Variants in WLS observed in about 807,000 individuals in gnomAD.
WLS encodes Wnt ligand secretion mediator.
A neutral mutation model predicts 62.8 loss-of-function variants in WLS; 23 were observed. The ratio of observed to expected loss-of-function variants is 0.37; its 90% CI spans 0.26 to 0.52. WLS has a LOEUF of 0.52. WLS is among the 20% of genes least tolerant of loss of function. The probability of loss-of-function intolerance (pLI) is 0.92; values close to 1 mark genes in which losing one functional copy is unlikely to be tolerated. For missense variants in WLS, 615 were observed against 697.3 expected (o/e 0.88, Z 1.33); for synonymous variants, 246 against 244.1 (o/e 1.01, Z -0.07).
intron 10 of WLS, 96 bp from the exon 11 acceptor site, chr1:68,138,029 T>A: frequency 6.9e-7 from 1 of 1,456,082 alleles, no homozygotes; most frequent in South Asian, 1.3e-5. Context: ...AAACCAAGTC[T>A]CTTCTACATG....
intron 2 of WLS, among the ~76,000 whole-genome samples, chr1:68,170,805 T>A (rs1396139600): frequency 6.6e-6 from 1 of 151,954 alleles, no homozygotes; most frequent in East Asian, 1.9e-4. Context: ...CTTATCCCCA[T>A]CTCTCTCCCT....
At chr1:68,151,224 C>G (rs1022430658) in intron 5 of WLS, among the ~76,000 whole-genome samples, 2 of 152,094 alleles carry the variant, frequency 1.3e-5, no homozygotes, top group Non-Finnish European at 2.9e-5. Context: ...AGGGCAGAGC[C>G]TGGATGGAGG....
intron 11 of WLS, among the ~76,000 whole-genome samples, chr1:68,109,303 A>G (rs1033320004): frequency 3.3e-5 from 5 of 152,242 alleles, no homozygotes; most frequent in Non-Finnish European, 5.9e-5. Flanking sequence ...AGCTTCCTCA[A>G]TTTGGGTCCT....
intron 2 of WLS, among the ~76,000 whole-genome samples, chr1:68,164,461 G>T (rs1254197621): frequency 6.6e-6 from 1 of 152,060 alleles, no homozygotes; most frequent in Non-Finnish European, 1.5e-5. Context: ...TTTATCCATG[G>T]TGGTCAGGCT....
intron 1 of WLS, among the ~76,000 whole-genome samples, chr1:68,230,586 C>CGTGTGTGT (rs1394504243): frequency 1.5e-5 from 2 of 136,980 alleles, no homozygotes; most frequent in African/African-American, 5.5e-5. Context: ...TGTGTGTGCG[C>CGTGTGTGT]GCGTGTGTGT....
chr1:68,178,998 T>C (rs887426667), intron 2 of WLS, among the ~76,000 whole-genome samples: 2 of 152,204 alleles, frequency 1.3e-5, no homozygotes, highest in African/African-American at 4.8e-5. Context: ...GTGTCTATGA[T>C]ACATTTTTTA....
chr1:68,104,866 G>T (rs114331303), intron 11 of WLS, among the ~76,000 whole-genome samples: 1 of 152,218 alleles, frequency 6.6e-6, no homozygotes, highest in East Asian at 1.9e-4. Flanking sequence ...GATGCAGGTA[G>T]CCATGATCGT....
chr1:68,158,684 C>A (rs759960795), intron 3 of WLS, among the ~76,000 whole-genome samples: 1 of 152,110 alleles, frequency 6.6e-6, no homozygotes, highest in Non-Finnish European at 1.5e-5. Context: ...GGGCTGCATG[C>A]GGCCCGCAGG....
chr1:68,175,888 C>T (rs1018082490), intron 2 of WLS, among the ~76,000 whole-genome samples: 1 of 152,120 alleles, frequency 6.6e-6, no homozygotes, highest in Admixed American at 6.6e-5. Context: ...GTGCTGCCAG[C>T]AGAAAGAAAA....
intron 3 of WLS, among the ~76,000 whole-genome samples, chr1:68,157,474 T>C (rs928003411): frequency 1.3e-5 from 2 of 152,162 alleles, no homozygotes; most frequent in Non-Finnish European, 2.9e-5. Context: ...ATTTAGGGCA[T>C]TTAAGAAGAT....
At chr1:68,123,115 C>T (rs1357688667), downstream of WLS, among the ~76,000 whole-genome samples, 1 of 152,158 alleles carries the variant, frequency 6.6e-6, no homozygotes, top group Non-Finnish European at 1.5e-5. Context: ...ACACAAGTCT[C>T]CATTTTACTC....
At position 68,133,111 on chromosome 1, in the gene WLS, G is replaced by A. The variant is rs187740179; in HGVS notation, c.1516+4669C>T. On this transcript the variant is annotated intron_variant, in intron 11 of 11. Transcript: ENST00000262348. ...GCAGAAAATATAAGTGTTCCTTGAA[G>A]GAAAGGTAACTAAAATATCTTTGCT... Among the ~76,000 whole-genome samples, 26 of 152,174 alleles carry A rather than the reference G, an allele frequency of 1.7e-4. 1 individual carries two copies. Among genetic ancestry groups the A allele is most frequent in the African/African-American group, 6.3e-4 (26 of 41,504 alleles).
Position 68,218,212 on chromosome 1 carries a change from T to C in WLS, c.106+13982A>G, listed in dbSNP as rs895633568. Reference sequence around the variant, plus strand: ...AAGGGGAAAGAATAAAACATTAACATAGAATGGTTGTATCAAAATGGTGGA... The same window carrying C: ...AAGGGGAAAGAATAAAACATTAACACAGAATGGTTGTATCAAAATGGTGGA... On this transcript the variant is annotated intron_variant, in intron 1 of 11. Transcript: ENST00000262348. 4.0e-5 allele frequency among the ~76,000 whole-genome samples: 6 copies of C among 151,552 alleles called. No individual in the cohort carries two copies. In the East Asian group the frequency reaches 5.8e-4, roughly 15 times the overall value.
intron 1 of WLS, among the ~76,000 whole-genome samples, chr1:68,205,012 C>T (rs1439327353): frequency 6.6e-6 from 1 of 152,152 alleles, no homozygotes; most frequent in African/African-American, 2.4e-5. Context: ...TCATAATAAA[C>T]ATATTAATGT....
chr1:68,198,419 A>G (rs1314004986), intron 1 of WLS, among the ~76,000 whole-genome samples: 1 of 152,216 alleles, frequency 6.6e-6, no homozygotes, highest in African/African-American at 2.4e-5. Context: ...CCACTACAGC[A>G]CATGAATTGT....
chr1:68,126,452 G>C (rs1200507086), intron 11 of WLS, 117 bp from the exon 12 acceptor site: 9 of 1,318,182 alleles, frequency 6.8e-6, no homozygotes, highest in East Asian at 2.5e-5. Flanking sequence ...AGCACACAGA[G>C]ACACCTAGGG....
At chr1:68,148,015 C>T in intron 8 of WLS, 121 bp downstream of exon 8, 1 of 1,036,302 alleles carries the variant, frequency 9.6e-7, no homozygotes, top group Non-Finnish European at 1.5e-6. Context: ...TATGATTGGC[C>T]TGAGAATCAA....
chr1:68,183,500 C>T (rs763011119), intron 2 of WLS: 3 of 530,106 alleles, frequency 5.7e-6, no homozygotes, highest in Admixed American at 2.0e-5. Context: ...TCAGAAGCAT[C>T]AGAAAACACA....
At chr1:68,217,125 A>G (rs1272081144) in intron 1 of WLS, among the ~76,000 whole-genome samples, 1 of 152,300 alleles carries the variant, frequency 6.6e-6, no homozygotes, top group East Asian at 1.9e-4. Context: ...GTCCTCTATG[A>G]CACATGCTCT....
Sources: allele counts gnomAD v4.1 joint callset (sites outside exome capture counted in the v4.1 genomes callset), GRCh38; gene constraint gnomAD v4.1.1; transcripts MANE v1.5; gene names NCBI Gene and HGNC (gene_info 2026-07-23, HGNC 2026-07-21).